The following DLC1 variants were observed in gnomAD, a reference collection of about 807,000 sequenced individuals.
DLC1 encodes the protein rho GTPase-activating protein 7.
A neutral mutation model predicts 140.3 loss-of-function variants in DLC1; 54 were observed. That is an observed-to-expected ratio of 0.38 (90% confidence interval 0.31 to 0.48). DLC1 has a LOEUF of 0.48. Ranked by LOEUF, DLC1 falls within the 20% of genes least tolerant of loss-of-function variation. The probability of loss-of-function intolerance (pLI) is 0.96; values close to 1 mark genes in which losing one functional copy is unlikely to be tolerated. For synonymous variants in DLC1, 986 were observed against 728.1 expected (o/e 1.35, Z -5.70); for missense variants, 2,536 against 1,907.0 (o/e 1.33, Z -6.14).
intron 5 of DLC1, among the ~76,000 whole-genome samples, chr8:13,287,960 A>G (rs1831595038): frequency 6.6e-6 from 1 of 152,090 alleles, no homozygotes; most frequent in Non-Finnish European, 1.5e-5. Flanking sequence ...ATCTTTAGAA[A>G]CAGCTATTTT....
intron 1 of DLC1, among the ~76,000 whole-genome samples, chr8:13,532,898 C>T (rs757993781): frequency 2.0e-5 from 3 of 152,046 alleles, no homozygotes; most frequent in Admixed American, 6.6e-5. Flanking sequence ...CCAAGTATTC[C>T]AATGATATAA....
chr8:13,521,962 G>C (rs1400620122), intron 1 of DLC1, among the ~76,000 whole-genome samples: 1 of 152,128 alleles, frequency 6.6e-6, no homozygotes, highest in Non-Finnish European at 1.5e-5. Flanking sequence ...TATCACAGCT[G>C]CACCTTTTTC....
At chr8:13,412,649 T>C (rs1837828735) in intron 2 of DLC1, among the ~76,000 whole-genome samples, 1 of 151,940 alleles carries the variant, frequency 6.6e-6, no homozygotes, top group African/African-American at 2.4e-5. Flanking sequence ...GTTAGAAAAA[T>C]GTCCCTTTGT....
chr8:13,430,250 C>A (rs1298942839), intron 2 of DLC1, among the ~76,000 whole-genome samples: 1 of 152,070 alleles, frequency 6.6e-6, no homozygotes, highest in African/African-American at 2.4e-5. Context: ...AGATTCTGAT[C>A]CAATAGGTTT....
At chr8:13,302,038 C>G (rs576190132) in intron 5 of DLC1, among the ~76,000 whole-genome samples, 1 of 152,192 alleles carries the variant, frequency 6.6e-6, no homozygotes, top group African/African-American at 2.4e-5. Flanking sequence ...TACAATTATA[C>G]ATATCGATAC....
At position 13,385,949 on chromosome 8, in the gene DLC1, A is replaced by C. The variant is rs1164525679; in HGVS notation, c.1314+7604T>G. On this transcript the variant is annotated intron_variant, in intron 4 of 17. Coordinates refer to ENST00000276297, the MANE Select transcript of DLC1 (RefSeq NM_182643.3). ...TAGGTTTGAAATGAATAAAGTGAAGACTGTGAAAATGGCTTACCAGTTATT... is the reference window on the plus strand; with the variant it reads ...TAGGTTTGAAATGAATAAAGTGAAGCCTGTGAAAATGGCTTACCAGTTATT... 2.0e-5 allele frequency among the ~76,000 whole-genome samples: 3 copies of C among 152,150 alleles called. No individual in the cohort carries two copies. In the East Asian group the frequency reaches 5.8e-4, roughly 29 times the overall value.
At chr8:13,212,858 G>C (rs1471644579) in intron 5 of DLC1, among the ~76,000 whole-genome samples, 1 of 152,088 alleles carries the variant, frequency 6.6e-6, no homozygotes, top group Non-Finnish European at 1.5e-5. Flanking sequence ...TTTTCCGTTT[G>C]ACTAAATGTT....
intron 1 of DLC1, among the ~76,000 whole-genome samples, chr8:13,589,900 G>T (rs1056919939): frequency 6.6e-6 from 1 of 151,480 alleles, no homozygotes; most frequent in Admixed American, 6.6e-5. Flanking sequence ...GAAAAAAAAG[G>T]CAAAGAAACT....
At chr8:13,393,969 G>T (rs758763454) in intron 3 of DLC1, among the ~76,000 whole-genome samples, 5 of 152,282 alleles carry the variant, frequency 3.3e-5, no homozygotes, top group African/African-American at 4.8e-5. Flanking sequence ...AGGGAGTGTG[G>T]CTAGCTAGGG....
chr8:13,287,602 T>A (rs2117448227), intron 5 of DLC1, among the ~76,000 whole-genome samples: 1 of 152,276 alleles, frequency 6.6e-6, no homozygotes, highest in South Asian at 2.1e-4. Flanking sequence ...ATTTGTTATA[T>A]ACATGGAAAA....
intron 2 of DLC1, among the ~76,000 whole-genome samples, chr8:13,438,019 C>T (rs1307285985): frequency 2.0e-5 from 3 of 148,476 alleles, no homozygotes; most frequent in Non-Finnish European, 3.0e-5. Flanking sequence ...TTATGATCTA[C>T]CTCTTTTTTT....
In DLC1 at chr8:13,084,938, T is replaced by C. The variant is rs2128924248; in HGVS notation, c.*873A>G. 1 of 152,306 alleles carries C rather than the reference T, an allele frequency of 6.6e-6. No homozygotes were observed. Among genetic ancestry groups the C allele is most frequent in the East Asian group, 1.9e-4 (1 of 5,178 alleles). 9.4% of individuals were successfully genotyped at this position (152,306 alleles called of 1,614,324 possible). A position where few individuals can be genotyped will look rare whatever the true frequency, so the allele number is the denominator to read the frequency against. On this transcript the variant is annotated 3_prime_UTR_variant, in exon 18 of 18. Coordinates refer to ENST00000276297, the MANE Select transcript of DLC1 (RefSeq NM_182643.3). ...TGTTATCGTGTTCAGTTTTTATATC[T>C]CGACTTAAACAAAAAACAAAACAAA...
intron 4 of DLC1, among the ~76,000 whole-genome samples, chr8:13,375,543 A>T (rs1047316922): frequency 6.6e-6 from 1 of 152,100 alleles, no homozygotes; most frequent in Non-Finnish European, 1.5e-5. Context: ...TTCCAACACT[A>T]TGTTGAATAG....
intron 1 of DLC1, among the ~76,000 whole-genome samples, chr8:13,603,857 C>G (rs2117509082): frequency 6.6e-6 from 1 of 152,120 alleles, no homozygotes. Flanking sequence ...TTAAGCGGCT[C>G]TGAATTTTTA....
In DLC1 at chr8:13,099,920, A is replaced by C; in HGVS notation, c.2417T>G (p.Val806Gly). The C allele has an allele frequency of 7.4e-6, 12 of 1,614,060 alleles. No individual in the cohort carries two copies. The highest frequency in any genetic ancestry group is 1.0e-5 in the Non-Finnish European group (12 of 1,180,052). The change falls in exon 9 of 18, where the codon GTG (valine) becomes GGG (glycine). Residue 806 changes from valine (V) to glycine (G), a missense_variant. By Grantham distance (109) the Val-to-Gly change is moderately radical. Transcript: ENST00000276297. ...CTTGTGATCTTCAGGGATGTAGAAC[A>C]CCGTGTCCTCTGGGTAGCTCTCGCG... ...KNRESYPEDTVFYIPEDHKPG... is the reference protein window; with the variant it reads ...KNRESYPEDTGFYIPEDHKPG...
chr8:13,340,759 C>A (rs933663167), intron 4 of DLC1: 1 of 152,338 alleles, frequency 6.6e-6, no homozygotes, highest in South Asian at 2.1e-4. Context: ...CAGTAACAAT[C>A]TGGCCTATGC....
At position 13,134,251 on chromosome 8, in the gene DLC1, G is replaced by T. The variant is rs1451606068; in HGVS notation, c.1349-18594C>A. 2.0e-5 allele frequency among the ~76,000 whole-genome samples: 3 copies of T among 152,190 alleles called. No individual in the cohort carries two copies. In the East Asian group the frequency reaches 5.8e-4, roughly 29 times the overall value. On this transcript the variant is annotated intron_variant, in intron 5 of 17. Transcript: ENST00000276297. ...GGATTCCATGAAAATTTACTTCGGG[G>T]TTAATTGATGTTTTTGCCTGCTATC...
Position 13,411,210 on chromosome 8 carries a change from C to CA in DLC1, c.1024-9592dup, listed in dbSNP as rs1382141480. Among the ~76,000 whole-genome samples, 11 of 152,152 alleles carry CA rather than the reference C, an allele frequency of 7.2e-5. No individual in the cohort carries two copies. The South Asian group carries it at 1.0e-3, about 14-fold the overall frequency. On this transcript the variant is annotated intron_variant, in intron 2 of 17. Coordinates refer to ENST00000276297, the MANE Select transcript of DLC1 (RefSeq NM_182643.3). ...ATGGATAAACAGTGGTACATTTAGA[C>CA]AAAAAACATTATTCAGCACTAAAAA... is the stretch of plus-strand genomic sequence containing the variant.
At chr8:13,259,139 G>GAAAAAA (rs776038964) in intron 5 of DLC1, among the ~76,000 whole-genome samples, 3 of 66,640 alleles carry the variant, frequency 4.5e-5, no homozygotes, top group African/African-American at 5.6e-5. Flanking sequence ...TCCGTCTCAA[G>GAAAAAA]AAAAAAAAAA....
Sources: gnomAD v4.1 joint callset for allele counts (sites outside exome capture counted in the v4.1 genomes callset) on GRCh38, gnomAD v4.1.1 for gene constraint, MANE v1.5 for transcripts, NCBI Gene and HGNC (gene_info 2026-07-23, HGNC 2026-07-21) for gene names.